OTOA: variants seen among roughly 807,000 people sequenced by gnomAD.
OTOA encodes the protein cancer/testis antigen 108.
In OTOA, 70 loss-of-function variants were observed where a neutral mutation model predicts 110.8. That is an observed-to-expected ratio of 0.63 (90% CI 0.52 to 0.77). The LOEUF is 0.77. Among genes scored for constraint, OTOA ranks in the 30% least tolerant of loss-of-function variants. The probability of loss-of-function intolerance (pLI) is 0.00; values close to 1 mark genes in which losing one functional copy is unlikely to be tolerated. For synonymous variants in OTOA, 373 were observed against 431.5 expected, an observed-to-expected ratio of 0.86 and a Z score of 1.68; for missense variants, 917 against 1,075.8, an observed-to-expected ratio of 0.85 and a Z score of 2.06.
chr16:21,678,665 G>A, intron 2 of OTOA, 60 bp downstream of exon 2: 21 of 1,455,208 alleles, frequency 1.4e-5, no homozygotes, highest in Non-Finnish European at 2.0e-5. Flanking sequence ...GAATGAGGTG[G>A]GATAGATACA....
intron 13 of OTOA, 104 bp downstream of exon 13, chr16:21,710,207 C>A: frequency 8.4e-7 from 1 of 1,195,870 alleles, no homozygotes; most frequent in Non-Finnish European, 1.2e-6. Flanking sequence ...GTGACGTAAA[C>A]AACATAAATT....
chr16:21,719,144 G>A lies in OTOA; in HGVS notation c.1641G>A (p.Leu547=), dbSNP rs1398355004. Residue 547 remains leucine (L), a synonymous_variant, in exon 16 of 29, where the codon CTG becomes CTA. Coordinates refer to ENST00000646100, the MANE Select transcript of OTOA (RefSeq NM_144672.4). ...TTCTCTTCTCGCAGGCTCTGTTCCT[G>A]TATGAGCTTCTGTTAAAGACCACCA... ...KELGRSQALF[L]YELLLKTTRR... 3 of 1,613,916 alleles carry A rather than the reference G, an allele frequency of 1.9e-6. No individual in the cohort carries two copies. The highest frequency in any genetic ancestry group is 1.3e-5 in the African/African-American group (1 of 75,024).
Position 21,726,652 on chromosome 16 carries a change from G to A in OTOA, c.2010G>A (p.Gln670=). The part of the protein sequence containing the change: ...KKTSVLRKVQ[Q]CLDDSIADEY... ...CTTCAGTCCTCAGGAAAGTGCAGCAGTGCCTGGTAAGAAAACTCTTCCTGG... is the reference window on the plus strand; with the variant it reads ...CTTCAGTCCTCAGGAAAGTGCAGCAATGCCTGGTAAGAAAACTCTTCCTGG... The change falls in exon 19 of 29, where the codon CAG becomes CAA. Residue 670 remains glutamine (Q), a synonymous_variant. Transcript: ENST00000646100. 6.2e-7 allele frequency: 1 copy of A among 1,614,110 alleles called. No homozygotes were observed. Among genetic ancestry groups the A allele is most frequent in the Non-Finnish European group, 8.5e-7 (1 of 1,180,006 alleles).
At chr16:21,718,204 C>T (rs1358351114) in intron 15 of OTOA, among the ~76,000 whole-genome samples, 9 of 152,132 alleles carry the variant, frequency 5.9e-5, no homozygotes, top group Admixed American at 1.3e-4. Context: ...GTGATCTGCC[C>T]GCCTTGGCCT....
chr16:21,712,443 C>T (rs1004680861), intron 13 of OTOA, among the ~76,000 whole-genome samples: 12 of 152,002 alleles, frequency 7.9e-5, no homozygotes, highest in African/African-American at 2.4e-4. Context: ...TTAGTACCTC[C>T]CATGCAGCTT....
chr16:21,719,308 C>A, intron 16 of OTOA, 79 bp from the exon 17 acceptor site: 1 of 1,548,410 alleles, frequency 6.5e-7, no homozygotes, highest in Non-Finnish European at 8.9e-7. Context: ...TGTATCTGAT[C>A]ATATCTGCCT....
chr16:21,721,203 C>T, intron 17 of OTOA: 1 of 425,406 alleles, frequency 2.4e-6, no homozygotes. Context: ...GCATGAGCCA[C>T]CACGCCCATT....
chr16:21,709,842 C>T (rs199523717), intron 12 of OTOA, 46 bp from the exon 13 acceptor site: 16 of 1,529,994 alleles, frequency 1.0e-5, no homozygotes, highest in Middle Eastern at 1.7e-4. Context: ...AGGGAGCCAC[C>T]GCCCTGCTTC....
chr16:21,752,177 C>T, intron 25 of OTOA, 100 bp downstream of exon 25: 2 of 244,130 alleles, frequency 8.2e-6, no homozygotes, highest in South Asian at 2.8e-5. Context: ...CCAGATATTC[C>T]ACCTCCTGAC....
At chr16:21,668,669 T>C (rs215895) in intron 1 of OTOA, among the ~76,000 whole-genome samples, 117,966 of 151,064 alleles carry the variant, frequency 0.78, 47,254 homozygotes, top group African/African-American at 0.92. Flanking sequence ...ACCATGTTGG[T>C]CAGGCTGGTC....
intron 1 of OTOA, among the ~76,000 whole-genome samples, chr16:21,677,479 C>CTTTTTT (rs778223383): frequency 4.3e-5 from 5 of 116,886 alleles, no homozygotes; most frequent in African/African-American, 1.0e-4. Context: ...AGCTTCATAT[C>CTTTTTT]TTTTTTTTTT....
intron 12 of OTOA, among the ~76,000 whole-genome samples, chr16:21,705,963 G>C (rs562757649): frequency 6.6e-6 from 1 of 151,806 alleles, no homozygotes; most frequent in South Asian, 2.1e-4. Flanking sequence ...AAAGCCATGT[G>C]CCTATAGTGC....
intron 1 of OTOA, among the ~76,000 whole-genome samples, chr16:21,667,592 C>T (rs572292030): frequency 6.6e-6 from 1 of 150,702 alleles, no homozygotes; most frequent in South Asian, 2.1e-4. Context: ...CAGAGAGAGA[C>T]TCTGTCTTAA....
At chr16:21,723,142 G>T (rs959670241) in intron 18 of OTOA, among the ~76,000 whole-genome samples, 164 bp downstream of exon 18, 2 of 152,162 alleles carry the variant, frequency 1.3e-5, no homozygotes, top group African/African-American at 4.8e-5. Context: ...TCAATTCTGA[G>T]TATCACACAG....
chr16:21,669,628 CCTGT>C (rs1242756612), intron 1 of OTOA, among the ~76,000 whole-genome samples: 3 of 152,134 alleles, frequency 2.0e-5, no homozygotes, highest in Non-Finnish European at 2.9e-5. Flanking sequence ...TTGTCTTTGA[CCTGT>C]CTATTTCTTT....
chr16:21,701,155 T>A, intron 11 of OTOA, 128 bp downstream of exon 11: 1 of 1,385,176 alleles, frequency 7.2e-7, no homozygotes, highest in South Asian at 1.2e-5. Context: ...AATAGTCCCA[T>A]ATTTCTCTGT....
At chr16:21,692,422 A>G (rs1371979199) in intron 9 of OTOA, among the ~76,000 whole-genome samples, 3 of 152,176 alleles carry the variant, frequency 2.0e-5, no homozygotes, top group African/African-American at 4.8e-5. Flanking sequence ...CTGGCTACCA[A>G]AGCAGGTAGG....
chr16:21,710,864 G>A (rs144386412), intron 13 of OTOA, among the ~76,000 whole-genome samples: 12 of 152,234 alleles, frequency 7.9e-5, no homozygotes, highest in Middle Eastern at 3.4e-3. Context: ...TTAGCTGGGC[G>A]TGGTGGTGCA....
At position 21,677,668 on chromosome 16, in the gene OTOA, G is replaced by T. The variant is rs943869264; in HGVS notation, c.-4-843G>T. On this transcript the variant is annotated intron_variant, in intron 1 of 28. Transcript: ENST00000646100. ...GTCTAATTTTTTTGTATTTTTATTAGAGACGGGGTTTCACCGTGTTAGCCA... is the reference window on the plus strand; with the variant it reads ...GTCTAATTTTTTTGTATTTTTATTATAGACGGGGTTTCACCGTGTTAGCCA... Among the ~76,000 whole-genome samples the T allele has an allele frequency of 2.0e-5, 3 of 151,650 alleles. No homozygotes were observed. The East Asian group carries it at 5.8e-4, about 29-fold the overall frequency.
Sources: allele counts gnomAD v4.1 joint callset (sites outside exome capture counted in the v4.1 genomes callset), GRCh38; gene constraint gnomAD v4.1.1; transcripts MANE v1.5; gene names NCBI Gene and HGNC (gene_info 2026-07-23, HGNC 2026-07-21).